The following DLG1 variants were observed in gnomAD, a reference collection of about 807,000 sequenced individuals.
DLG1 encodes discs large MAGUK scaffold protein 1.
Under a neutral mutation model 123.4 loss-of-function variants are expected in DLG1, and 42 were observed. The observed-to-expected ratio is 0.34, with a 90% CI of 0.27 to 0.44. The LOEUF (loss-of-function observed/expected upper bound fraction) is 0.44, where lower values mean the gene tolerates loss of function less well. Among genes scored for constraint, DLG1 ranks in the 20% least tolerant of loss-of-function variants. The pLI is 1.00. For synonymous variants in DLG1, 317 were observed against 356.2 expected, an observed-to-expected ratio of 0.89 and a Z score of 1.24; for missense variants, 942 against 1,082.6, an observed-to-expected ratio of 0.87 and a Z score of 1.82.
chr3:197,298,774 C>T, upstream of DLG1: 1 of 395,340 alleles, frequency 2.5e-6, no homozygotes, highest in Non-Finnish European at 4.5e-6. Flanking sequence ...CTCTTCGTCC[C>T]TTAGTAATAG....
chr3:197,238,668 C>T (rs372123040), intron 4 of DLG1, among the ~76,000 whole-genome samples: 1 of 152,146 alleles, frequency 6.6e-6, no homozygotes, highest in East Asian at 1.9e-4. Flanking sequence ...AGTCAGAAAT[C>T]AGTAATAGAA....
At chr3:197,227,229 C>A (rs1740410614) in intron 4 of DLG1, among the ~76,000 whole-genome samples, 1 of 152,076 alleles carries the variant, frequency 6.6e-6, no homozygotes, top group African/African-American at 2.4e-5. Flanking sequence ...CCCAGCACTT[C>A]AGGTGGCCGA....
At chr3:197,100,304 G>C (rs1332392008) in intron 14 of DLG1, among the ~76,000 whole-genome samples, 1 of 152,146 alleles carries the variant, frequency 6.6e-6, no homozygotes, top group African/African-American at 2.4e-5. Context: ...ATCTACCTTT[G>C]TAACTCAAGA....
intron 4 of DLG1, among the ~76,000 whole-genome samples, chr3:197,281,951 A>C (rs546707973): frequency 6.6e-6 from 1 of 152,318 alleles, no homozygotes; most frequent in East Asian, 1.9e-4. Flanking sequence ...ATTATTCACC[A>C]AACAGAAACA....
intron 16 of DLG1, among the ~76,000 whole-genome samples, chr3:197,083,202 T>C (rs552350600): frequency 6.6e-6 from 1 of 152,210 alleles, no homozygotes; most frequent in Non-Finnish European, 1.5e-5. Flanking sequence ...AAAATCATAA[T>C]TATAAATCTT....
intron 5 of DLG1, among the ~76,000 whole-genome samples, chr3:197,173,704 G>A (rs746829952): frequency 4.6e-5 from 7 of 152,148 alleles, no homozygotes; most frequent in Middle Eastern, 3.2e-3. Context: ...AAAAAGAAGC[G>A]TTATGGACCA....
At chr3:197,228,112 A>C (rs1740918739) in intron 4 of DLG1, among the ~76,000 whole-genome samples, 1 of 152,246 alleles carries the variant, frequency 6.6e-6, no homozygotes, top group African/African-American at 2.4e-5. Flanking sequence ...GGAAGCACAA[A>C]TGTGTAACAA....
intron 3 of DLG1, among the ~76,000 whole-genome samples, chr3:197,285,868 T>C (rs1771594261): frequency 6.6e-6 from 1 of 152,192 alleles, no homozygotes; most frequent in Non-Finnish European, 1.5e-5. Context: ...GCAATTGCGC[T>C]CCTTGGTATT....
At chr3:197,232,361 T>TAAAAA (rs34360912) in intron 4 of DLG1, among the ~76,000 whole-genome samples, 6 of 121,256 alleles carry the variant, frequency 4.9e-5, no homozygotes, top group African/African-American at 1.6e-4. Flanking sequence ...CCTTGTCTCT[T>TAAAAA]AAAAAAAAAA....
At chr3:197,250,650 G>A (rs966371868) in intron 4 of DLG1, among the ~76,000 whole-genome samples, 1 of 151,358 alleles carries the variant, frequency 6.6e-6, no homozygotes, top group Non-Finnish European at 1.5e-5. Context: ...AGAATATAAA[G>A]TGTATGGGAA....
chr3:197,185,526 G>A (rs1012391102), intron 5 of DLG1, among the ~76,000 whole-genome samples: 6 of 152,224 alleles, frequency 3.9e-5, no homozygotes, highest in Non-Finnish European at 7.4e-5. Context: ...ATTCGGAGTA[G>A]AGAATGTAAG....
chr3:197,173,025 C>T (rs1208537933), intron 5 of DLG1, among the ~76,000 whole-genome samples: 1 of 152,176 alleles, frequency 6.6e-6, no homozygotes, highest in Non-Finnish European at 1.5e-5. Context: ...CAGGTAGCTA[C>T]TTCTGTAAGT....
chr3:197,242,845 T>A (rs1479008082), intron 4 of DLG1, among the ~76,000 whole-genome samples: 1 of 152,164 alleles, frequency 6.6e-6, no homozygotes, highest in Admixed American at 6.5e-5. Context: ...GATTCATGCC[T>A]GTAATCTCAG....
chr3:197,117,827 A>C (rs1425550561), intron 12 of DLG1, among the ~76,000 whole-genome samples: 1 of 152,196 alleles, frequency 6.6e-6, no homozygotes, highest in East Asian at 1.9e-4. Flanking sequence ...ATTTTGTTAT[A>C]TATATTTCGC....
intron 5 of DLG1, among the ~76,000 whole-genome samples, chr3:197,156,311 C>A (rs1447249969): frequency 6.6e-6 from 1 of 151,362 alleles, no homozygotes; most frequent in Non-Finnish European, 1.5e-5. Context: ...AGAATAGACA[C>A]AAAGGAAACA....
chr3:197,292,667 A>G (rs529304575), intron 3 of DLG1, among the ~76,000 whole-genome samples: 183 of 152,338 alleles, frequency 1.2e-3, no homozygotes, highest in African/African-American at 4.2e-3. Context: ...TAGTGAAACT[A>G]TTAGATTTTA....
At chr3:197,058,565 T>C (rs1471991133) in intron 23 of DLG1, among the ~76,000 whole-genome samples, 2 of 152,248 alleles carry the variant, frequency 1.3e-5, no homozygotes, top group East Asian at 3.9e-4. Flanking sequence ...TCCATTTAAA[T>C]TGCATTATGG....
intron 16 of DLG1, among the ~76,000 whole-genome samples, chr3:197,081,450 G>GCTTC (rs1167253313): frequency 6.6e-6 from 1 of 152,128 alleles, no homozygotes; most frequent in Non-Finnish European, 1.5e-5. Context: ...TTAAGTATTA[G>GCTTC]CTTAGCATGA....
At chr3:197,051,420 C>CA (rs35073913) in intron 24 of DLG1, among the ~76,000 whole-genome samples, 157 bp downstream of exon 24, 7 of 151,692 alleles carry the variant, frequency 4.6e-5, no homozygotes, top group East Asian at 1.9e-4. Context: ...AACTCCGTCT[C>CA]AAAAAAAAGG....
Sources: allele counts gnomAD v4.1 joint callset (sites outside exome capture counted in the v4.1 genomes callset), GRCh38; gene constraint gnomAD v4.1.1; transcripts MANE v1.5; gene names NCBI Gene and HGNC (gene_info 2026-07-23, HGNC 2026-07-21).